Variants in RNF180 observed in about 807,000 individuals in gnomAD.
RNF180 encodes E3 ubiquitin-protein ligase RNF180.
RNF180 carries 38 observed loss-of-function variants against 59.2 expected under a neutral mutation model. That is an observed-to-expected ratio of 0.64 (90% CI 0.50 to 0.84). RNF180 has a LOEUF of 0.84. RNF180 is among the 40% of genes least tolerant of loss of function. The probability of loss-of-function intolerance (pLI) is 0.00; values close to 1 mark genes in which losing one functional copy is unlikely to be tolerated. For missense variants in RNF180, 705 were observed against 700.9 expected, an observed-to-expected ratio of 1.01 and a Z score of -0.07; for synonymous variants, 262 against 240.3, an observed-to-expected ratio of 1.09 and a Z score of -0.84.
chr5:64,306,861 T>C (rs1237100772), intron 5 of RNF180, among the ~76,000 whole-genome samples: 2 of 151,160 alleles, frequency 1.3e-5, no homozygotes, highest in African/African-American at 4.9e-5. Context: ...CATTAGGAGA[T>C]ATACCTAATG....
chr5:64,348,597 G>A (rs573888112), intron 7 of RNF180, among the ~76,000 whole-genome samples: 1 of 152,102 alleles, frequency 6.6e-6, no homozygotes, highest in South Asian at 2.1e-4. Flanking sequence ...CATAGTTGAA[G>A]CAATAGCGAT....
rs575174713 is a variant in RNF180 at position 64,292,174 on chromosome 5, G to T, written c.1228-33012G>T. ...CTCAGCCCAGTTCGTGCCCTTGCTG[G>T]TAAGGTGCTGCGGTCATTTGGAGTA... On this transcript the variant is annotated intron_variant, in intron 5 of 7. Coordinates refer to ENST00000389100, the MANE Select transcript of RNF180 (RefSeq NM_001113561.2). Among the ~76,000 whole-genome samples, 17 of 152,270 alleles carry T rather than the reference G, an allele frequency of 1.1e-4. No homozygotes were observed. In the South Asian group the frequency reaches 2.3e-3, roughly 20 times the overall value.
chr5:64,179,947 G>A (rs547987809), intron 1 of RNF180, among the ~76,000 whole-genome samples: 1 of 152,210 alleles, frequency 6.6e-6, no homozygotes, highest in Non-Finnish European at 1.5e-5. Context: ...GAGTGTGAAC[G>A]GGAACCTTGT....
chr5:64,247,921 A>G (rs1166573929), intron 5 of RNF180, among the ~76,000 whole-genome samples: 3 of 152,168 alleles, frequency 2.0e-5, no homozygotes, highest in African/African-American at 4.8e-5. Flanking sequence ...ATATAGACCA[A>G]TGGAAGAGAA....
chr5:64,256,798 G>A (rs1347723824), intron 5 of RNF180, among the ~76,000 whole-genome samples: 1 of 152,128 alleles, frequency 6.6e-6, no homozygotes, highest in Non-Finnish European at 1.5e-5. Flanking sequence ...TGGGCAGTAT[G>A]GCCACTTTCA....
intron 1 of RNF180, among the ~76,000 whole-genome samples, chr5:64,194,250 C>T (rs939340706): frequency 1.3e-5 from 2 of 152,022 alleles, no homozygotes; most frequent in African/African-American, 4.8e-5. Flanking sequence ...TGAGAACATG[C>T]AGTGTTTGGT....
At chr5:64,359,096 C>T (rs1474730905) in intron 7 of RNF180, among the ~76,000 whole-genome samples, 11 of 151,284 alleles carry the variant, frequency 7.3e-5, no homozygotes, top group Non-Finnish European at 1.3e-4. Flanking sequence ...AATAAACATA[C>T]GTGTGCATGT....
At chr5:64,204,623 G>T (rs142467728) in intron 2 of RNF180, among the ~76,000 whole-genome samples, 1 of 151,792 alleles carries the variant, frequency 6.6e-6, no homozygotes, top group Non-Finnish European at 1.5e-5. Context: ...CCCAGTTTAT[G>T]TAACTTATAT....
chr5:64,316,249 C>T (rs1293367795), intron 5 of RNF180, among the ~76,000 whole-genome samples: 1 of 152,096 alleles, frequency 6.6e-6, no homozygotes. Context: ...CTCATTAATC[C>T]TCTGAAAGGG....
chr5:64,196,202 T>C (rs1037721102), intron 1 of RNF180, among the ~76,000 whole-genome samples: 2 of 151,894 alleles, frequency 1.3e-5, no homozygotes, highest in African/African-American at 2.4e-5. Context: ...TTTTTTTTTT[T>C]TCCCACCATT....
At chr5:64,259,848 G>A (rs984112079) in intron 5 of RNF180, among the ~76,000 whole-genome samples, 8 of 152,176 alleles carry the variant, frequency 5.3e-5, no homozygotes, top group African/African-American at 1.7e-4. Context: ...TTGAACCCGG[G>A]AGGCGGAGGT....
rs568069088 is a variant in RNF180 at position 64,214,494 on chromosome 5, C to T, written c.1168C>T (p.Arg390Cys). The change falls in exon 4 of 8, where the codon CGT becomes TGT. Residue 390 changes from arginine to cysteine, a missense_variant. Arg to Cys is a radical substitution (Grantham distance 180, BLOSUM62 -3). Coordinates refer to ENST00000389100, the MANE Select transcript of RNF180 (RefSeq NM_001113561.2). ...LKNLRRKQRRRERWLQKQGKY... is the reference protein window; with the variant it reads ...LKNLRRKQRRCERWLQKQGKY... ...GAATCTAAGAAGGAAACAACGAAGGCGTGAAAGATGGCTACAGAAGCAGGT... is the reference window on the plus strand; with the variant it reads ...GAATCTAAGAAGGAAACAACGAAGGTGTGAAAGATGGCTACAGAAGCAGGT... 267 of 1,612,714 alleles carry T rather than the reference C, an allele frequency of 1.7e-4. 3 individuals carry two copies. In the Middle Eastern group the frequency reaches 2.6e-3, roughly 16 times the overall value.
At chr5:64,183,820 T>C (rs2111963128) in intron 1 of RNF180, among the ~76,000 whole-genome samples, 1 of 152,352 alleles carries the variant, frequency 6.6e-6, no homozygotes, top group African/African-American at 2.4e-5. Context: ...CCACATATGA[T>C]GTCCTGAAAC....
Position 64,214,374 on chromosome 5 carries a change from G to C in RNF180, c.1048G>C (p.Glu350Gln). 1 of 1,614,040 alleles carries C rather than the reference G, an allele frequency of 6.2e-7. No homozygotes were observed. The highest frequency in any genetic ancestry group is 1.1e-5 in the South Asian group (1 of 91,080). Residue 350 changes from glutamate (E) to glutamine (Q), a missense_variant, in exon 4 of 8, where the codon GAG (glutamate) becomes CAG (glutamine). Glu to Gln is a conservative substitution (Grantham distance 29). Coordinates refer to ENST00000389100, the MANE Select transcript of RNF180 (RefSeq NM_001113561.2). ...CATGCCGGAGGCCTCAGACCAGGAA[G>C]AGCACCTCTCCCCTCTGGACTTCCT... ...RSMPEASDQE[E>Q]HLSPLDFLHS...
At chr5:64,358,653 T>A (rs185315876) in intron 7 of RNF180, among the ~76,000 whole-genome samples, 16 of 151,782 alleles carry the variant, frequency 1.1e-4, no homozygotes, top group Non-Finnish European at 1.8e-4. Context: ...TATTTTTTTT[T>A]ATTATACTTT....
intron 5 of RNF180, among the ~76,000 whole-genome samples, chr5:64,236,308 C>T (rs1348675268): frequency 6.6e-6 from 1 of 152,142 alleles, no homozygotes; most frequent in Non-Finnish European, 1.5e-5. Flanking sequence ...TTGCCCCTGC[C>T]CTAGAGATCT....
intron 5 of RNF180, among the ~76,000 whole-genome samples, chr5:64,222,254 CAT>C (rs1489248482): frequency 6.6e-6 from 1 of 152,046 alleles, no homozygotes; most frequent in Non-Finnish European, 1.5e-5. Context: ...TAAGAGGACT[CAT>C]AGAACTAAGC....
chr5:64,225,097 G>C (rs1015363665), intron 5 of RNF180, among the ~76,000 whole-genome samples: 7 of 152,184 alleles, frequency 4.6e-5, no homozygotes. Context: ...AAGCCAGCTT[G>C]TTAGGGGAAA....
intron 1 of RNF180, among the ~76,000 whole-genome samples, chr5:64,189,279 GA>G (rs1471263296): frequency 6.6e-6 from 1 of 152,032 alleles, no homozygotes; most frequent in Non-Finnish European, 1.5e-5. Context: ...TAAAAATGGA[GA>G]AACACTTTGG....
Sources: allele counts gnomAD v4.1 joint callset (sites outside exome capture counted in the v4.1 genomes callset), GRCh38; gene constraint gnomAD v4.1.1; transcripts MANE v1.5; gene names NCBI Gene and HGNC (gene_info 2026-07-23, HGNC 2026-07-21).